RPL35A: variants seen among roughly 807,000 people sequenced by gnomAD.
The protein encoded by RPL35A is ribosomal protein L35a, also known as large ribosomal subunit protein eL33.
A neutral mutation model predicts 16.7 loss-of-function variants in RPL35A; 1 was observed. That is an observed-to-expected ratio of 0.06 (90% CI 0.02 to 0.28). RPL35A has a LOEUF of 0.28. RPL35A is among the 10% of genes least tolerant of loss of function. The pLI is 1.00. For synonymous variants in RPL35A, 58 were observed against 47.0 expected, an observed-to-expected ratio of 1.23 and a Z score of -0.96; for missense variants, 91 against 138.7, an observed-to-expected ratio of 0.66 and a Z score of 1.73.
At position 197,951,193 on chromosome 3, in the gene RPL35A, C is replaced by A. The variant is rs1256987128; in HGVS notation, c.46C>A (p.Arg16=). ...WSKAIFAGYK[R]GLRNQREHTA... ...CAAGGCCATTTTTGCTGGCTATAAG[C>A]GGGGTCTCCGGAACCAAAGGGAGCA... The change falls in exon 3 of 5, where the codon CGG becomes AGG. Residue 16 remains arginine (R), a synonymous_variant. Coordinates refer to ENST00000647248, the MANE Select transcript of RPL35A (RefSeq NM_000996.4). The A allele has an allele frequency of 6.2e-7, 1 of 1,614,064 alleles. No homozygotes were observed. The highest frequency in any genetic ancestry group is 2.2e-5 in the East Asian group (1 of 44,882).
intron 1 of RPL35A, 150 bp downstream of exon 1, chr3:197,950,371 A>C: frequency 8.3e-7 from 1 of 1,210,792 alleles, no homozygotes; most frequent in Non-Finnish European, 1.0e-6. Flanking sequence ...GATGGAGGAG[A>C]TGTTGGGCTG....
intron 3 of RPL35A, among the ~76,000 whole-genome samples, chr3:197,951,994 G>T (rs184718008): frequency 6.6e-6 from 1 of 152,260 alleles, no homozygotes; most frequent in East Asian, 1.9e-4. Context: ...TCTGAGGGTG[G>T]TGTTGGATTT....
chr3:197,951,193 C>G lies in RPL35A; in HGVS notation c.46C>G (p.Arg16Gly), dbSNP rs1256987128. 6.2e-7 allele frequency: 1 copy of G among 1,614,064 alleles called. No homozygotes were observed. Among genetic ancestry groups the G allele is most frequent in the Non-Finnish European group, 8.5e-7 (1 of 1,179,996 alleles). Reference sequence around the variant, plus strand: ...CAAGGCCATTTTTGCTGGCTATAAGCGGGGTCTCCGGAACCAAAGGGAGCA... The same window carrying G: ...CAAGGCCATTTTTGCTGGCTATAAGGGGGGTCTCCGGAACCAAAGGGAGCA... ...WSKAIFAGYK[R>G]GLRNQREHTA... Residue 16 changes from arginine (R) to glycine (G), a missense_variant, in exon 3 of 5, where the codon CGG becomes GGG. Transcript: ENST00000647248.
At chr3:197,950,295 C>G in intron 1 of RPL35A, 74 bp downstream of exon 1, 3 of 1,230,130 alleles carry the variant, frequency 2.4e-6, no homozygotes, top group Non-Finnish European at 3.0e-6. Context: ...CTTGGCGAGT[C>G]GCCGGTGCGT....
chr3:197,951,185 G>T lies in RPL35A; in HGVS notation c.38G>T (p.Gly13Val). Residue 13 changes from glycine (G) to valine (V), a missense_variant, in exon 3 of 5, where the codon GGC becomes GTC. By Grantham distance (109) the Gly-to-Val change is moderately radical (BLOSUM62 -3). Transcript: ENST00000647248. ...GRLWSKAIFA[G>V]YKRGLRNQRE... is the part of the protein sequence containing the mutation. ...CTGTGGTCCAAGGCCATTTTTGCTG[G>T]CTATAAGCGGGGTCTCCGGAACCAA... 1.2e-6 allele frequency: 2 copies of T among 1,614,150 alleles called. No homozygotes were observed. The highest frequency in any genetic ancestry group is 1.7e-6 in the Non-Finnish European group (2 of 1,180,034).
At chr3:197,954,615 T>C (rs1346712826) in intron 4 of RPL35A, among the ~76,000 whole-genome samples, 1 of 152,204 alleles carries the variant, frequency 6.6e-6, no homozygotes, top group African/African-American at 2.4e-5. Context: ...GTTCATGTGA[T>C]TCTTGTGCCT....
chr3:197,954,242 T>C, intron 4 of RPL35A, 95 bp downstream of exon 4: 1 of 1,280,062 alleles, frequency 7.8e-7, no homozygotes. Flanking sequence ...GGTTGTGAAA[T>C]TGACACCAGT....
chr3:197,954,970 G>A (rs572352696), intron 4 of RPL35A, among the ~76,000 whole-genome samples: 1 of 152,276 alleles, frequency 6.6e-6, no homozygotes, highest in African/African-American at 2.4e-5. Context: ...TGTACATGAA[G>A]AAAACAGACT....
Position 197,950,195 on chromosome 3 carries a change from C to A in RPL35A, c.-59C>A. On this transcript the variant is annotated 5_prime_UTR_variant, in exon 1 of 5. Coordinates refer to ENST00000647248, the MANE Select transcript of RPL35A (RefSeq NM_000996.4). ...CCACGCGGCGGGGCCTCGTCCTTCT[C>A]TTACCGCCATCTTGGCTCCTGTGGA... 8.1e-7 allele frequency: 1 copy of A among 1,231,658 alleles called. No homozygotes were observed. Among genetic ancestry groups the A allele is most frequent in the Non-Finnish European group, 1.0e-6 (1 of 987,956 alleles). The allele number at this position is 1,231,658 out of a possible 1,614,324, so 76.3% of individuals were successfully genotyped here. A position where few individuals can be genotyped will look rare whatever the true frequency, so the allele number is the denominator to read the frequency against.
chr3:197,953,810 A>G (rs955864545), intron 3 of RPL35A, 193 bp from the exon 4 acceptor site: 23 of 642,270 alleles, frequency 3.6e-5, no homozygotes, highest in South Asian at 2.8e-4. Flanking sequence ...TAGCTGCTGT[A>G]TTTTACAGAA....
chr3:197,952,176 T>G (rs1434815827), intron 3 of RPL35A, among the ~76,000 whole-genome samples: 1 of 139,932 alleles, frequency 7.1e-6, no homozygotes, highest in Non-Finnish European at 1.5e-5. Context: ...TTTTTTTTTT[T>G]TTTTTTTTTT....
chr3:197,952,159 TG>T (rs1410592292), intron 3 of RPL35A, among the ~76,000 whole-genome samples: 2 of 144,200 alleles, frequency 1.4e-5, no homozygotes, highest in African/African-American at 5.2e-5. Context: ...CTTAAAATTA[TG>T]GGTTTTTTTT....
chr3:197,950,206 C>T lies in RPL35A; in HGVS notation c.-48C>T, dbSNP rs1719932591. The T allele has an allele frequency of 8.1e-7, 1 of 1,231,570 alleles. No homozygotes were observed. The highest frequency in any genetic ancestry group is 1.0e-6 in the Non-Finnish European group (1 of 987,910). The allele number at this position is 1,231,570 out of a possible 1,614,324, so 76.3% of individuals were successfully genotyped here. On this transcript the variant is annotated 5_prime_UTR_variant, in exon 1 of 5. Transcript: ENST00000647248. The stretch of plus-strand genomic sequence containing the variant: ...GGCCTCGTCCTTCTCTTACCGCCAT[C>T]TTGGCTCCTGTGGAGGTGAGTGAAG...
intron 3 of RPL35A, among the ~76,000 whole-genome samples, chr3:197,952,162 GTTTTTTTT>G (rs1161903755): frequency 0.02 from 1,688 of 83,996 alleles, 27 homozygotes; most frequent in African/African-American, 0.083. Flanking sequence ...AAAATTATGG[GTTTTTTTT>G]TTTTTTTTTT....
chr3:197,952,345 T>C (rs1376777428), intron 3 of RPL35A, among the ~76,000 whole-genome samples: 1 of 151,792 alleles, frequency 6.6e-6, no homozygotes, highest in African/African-American at 2.4e-5. Context: ...AATTTTTGTA[T>C]ATTTAGTAGA....
chr3:197,954,654 C>T (rs111277432), intron 4 of RPL35A, among the ~76,000 whole-genome samples: 8,530 of 152,110 alleles, frequency 0.056, 296 homozygotes, highest in South Asian at 0.088. Context: ...GAATTACAGG[C>T]GTATATACCA....
At chr3:197,950,479 T>C (rs991883256) in intron 1 of RPL35A, 29 of 416,152 alleles carry the variant, frequency 7.0e-5, no homozygotes, top group Non-Finnish European at 9.2e-5. Context: ...TTTGTTCGTG[T>C]GCAGTTGTCC....
intron 3 of RPL35A, among the ~76,000 whole-genome samples, chr3:197,953,284 G>A (rs1720265254): frequency 6.6e-6 from 1 of 152,204 alleles, no homozygotes; most frequent in Non-Finnish European, 1.5e-5. Flanking sequence ...CCCTAGGTGG[G>A]AGGATTGCTT....
intron 3 of RPL35A, chr3:197,953,784 A>T: frequency 1.6e-6 from 1 of 607,988 alleles, no homozygotes; most frequent in Non-Finnish European, 2.9e-6. Flanking sequence ...TTATCATGTG[A>T]AAGATTTTTG....
Sources: gnomAD v4.1 joint callset for allele counts (sites outside exome capture counted in the v4.1 genomes callset) on GRCh38, gnomAD v4.1.1 for gene constraint, MANE v1.5 for transcripts, NCBI Gene and HGNC (gene_info 2026-07-23, HGNC 2026-07-21) for gene names.